The following KCNIP4 variants were observed in gnomAD, a reference collection of about 807,000 sequenced individuals.
The protein encoded by KCNIP4 is potassium voltage-gated channel interacting protein 4, also known as Kv channel-interacting protein 4.
Under a neutral mutation model 34.0 loss-of-function variants are expected in KCNIP4, and 12 were observed. That is an observed-to-expected ratio of 0.35 (90% confidence interval 0.23 to 0.57). KCNIP4 has a LOEUF of 0.57. Among genes scored for constraint, KCNIP4 ranks in the 20% least tolerant of loss-of-function variants. The probability of loss-of-function intolerance (pLI) is 0.83; values close to 1 mark genes in which losing one functional copy is unlikely to be tolerated. For synonymous variants in KCNIP4, 124 were observed against 102.2 expected (o/e 1.21, Z -1.29); for missense variants, 238 against 311.7 (o/e 0.76, Z 1.78).
At chr4:21,323,475 T>G (rs1177644223) in intron 1 of KCNIP4, among the ~76,000 whole-genome samples, 1 of 152,046 alleles carries the variant, frequency 6.6e-6, no homozygotes, top group Non-Finnish European at 1.5e-5. Flanking sequence ...GTTAAATTGT[T>G]TTAATTTTTA....
At chr4:21,245,923 T>G (rs1168139251) in intron 1 of KCNIP4, among the ~76,000 whole-genome samples, 1 of 152,238 alleles carries the variant, frequency 6.6e-6, no homozygotes, top group Non-Finnish European at 1.5e-5. Context: ...AAGGATAGTC[T>G]TTAGAGATTT....
chr4:20,833,968 T>C (rs1176716848), intron 3 of KCNIP4, among the ~76,000 whole-genome samples: 3 of 151,866 alleles, frequency 2.0e-5, no homozygotes, highest in Non-Finnish European at 4.4e-5. Context: ...AAACTGGGAG[T>C]GTGGTGAAGT....
At chr4:21,492,626 G>A (rs564072276) in intron 1 of KCNIP4, among the ~76,000 whole-genome samples, 6 of 152,222 alleles carry the variant, frequency 3.9e-5, no homozygotes, top group South Asian at 2.1e-4. Context: ...TGATTGAATG[G>A]TCTTAACTTC....
At chr4:20,922,547 G>GTCTATCTATCTATCTATCTA (rs1553916287) in intron 1 of KCNIP4, among the ~76,000 whole-genome samples, 32 of 129,520 alleles carry the variant, frequency 2.5e-4, no homozygotes, top group African/African-American at 6.9e-4. Context: ...CTGTCTGTCT[G>GTCTATCTATCTATCTATCTA]TCTATCTATC....
chr4:21,186,670 G>T (rs541493135), intron 1 of KCNIP4, among the ~76,000 whole-genome samples: 1 of 152,148 alleles, frequency 6.6e-6, no homozygotes, highest in South Asian at 2.1e-4. Flanking sequence ...TTTGAGACAG[G>T]ATCTCACTCT....
At chr4:21,861,265 A>G (rs1162479551) in intron 1 of KCNIP4, among the ~76,000 whole-genome samples, 1 of 152,230 alleles carries the variant, frequency 6.6e-6, no homozygotes, top group East Asian at 1.9e-4. Flanking sequence ...TTCAAGGGAT[A>G]TGAATTTTTT....
chr4:21,235,079 C>A (rs776023073), intron 1 of KCNIP4, among the ~76,000 whole-genome samples: 1 of 152,050 alleles, frequency 6.6e-6, no homozygotes, highest in Non-Finnish European at 1.5e-5. Context: ...TAAAAGTAGT[C>A]AATATAATGA....
intron 1 of KCNIP4, among the ~76,000 whole-genome samples, chr4:21,031,373 G>A (rs570229874): frequency 6.6e-6 from 1 of 152,270 alleles, no homozygotes; most frequent in East Asian, 1.9e-4. Context: ...TTAATGTTTA[G>A]AGAGATGTTA....
At chr4:21,011,026 G>T (rs1020704840) in intron 1 of KCNIP4, among the ~76,000 whole-genome samples, 1 of 152,104 alleles carries the variant, frequency 6.6e-6, no homozygotes, top group Non-Finnish European at 1.5e-5. Flanking sequence ...AATGCCTCCC[G>T]ATGAAATCAG....
chr4:21,372,425 G>C (rs943793243), intron 1 of KCNIP4, among the ~76,000 whole-genome samples: 1 of 145,850 alleles, frequency 6.9e-6, no homozygotes, highest in Non-Finnish European at 1.5e-5. Flanking sequence ...TACAGATATA[G>C]ATATAGATGT....
chr4:21,664,795 T>C (rs1748713608), intron 1 of KCNIP4, among the ~76,000 whole-genome samples: 1 of 152,232 alleles, frequency 6.6e-6, no homozygotes, highest in South Asian at 2.1e-4. Context: ...GGACTATTTT[T>C]TAAATGCCTA....
chr4:21,553,148 G>C (rs543235341), intron 1 of KCNIP4, among the ~76,000 whole-genome samples: 2 of 107,120 alleles, frequency 1.9e-5, no homozygotes, highest in African/African-American at 6.6e-5. Flanking sequence ...TAAAGGGGGG[G>C]GTCATAAAAG....
At chr4:21,239,668 A>G (rs986481689) in intron 1 of KCNIP4, among the ~76,000 whole-genome samples, 15 of 152,348 alleles carry the variant, frequency 9.8e-5, no homozygotes, top group South Asian at 8.3e-4. Context: ...ATCAAACCAC[A>G]ATGAGATACC....
intron 1 of KCNIP4, among the ~76,000 whole-genome samples, chr4:21,885,184 A>G (rs997715927): frequency 4.6e-5 from 7 of 152,150 alleles, no homozygotes; most frequent in African/African-American, 1.7e-4. Context: ...AAGAGGAAGA[A>G]AAGGAAACAG....
At chr4:21,187,747 T>C (rs1755348000) in intron 1 of KCNIP4, among the ~76,000 whole-genome samples, 1 of 152,104 alleles carries the variant, frequency 6.6e-6, no homozygotes, top group African/African-American at 2.4e-5. Flanking sequence ...CTGCAGATCA[T>C]GCACTCTCTA....
intron 1 of KCNIP4, among the ~76,000 whole-genome samples, chr4:21,061,269 T>A (rs779192613): frequency 7.2e-5 from 11 of 152,252 alleles, no homozygotes; most frequent in Admixed American, 2.0e-4. Context: ...TAGGGTTTTG[T>A]CAAGAATTAT....
intron 1 of KCNIP4, among the ~76,000 whole-genome samples, chr4:20,904,087 T>C (rs1206976896): frequency 6.6e-6 from 1 of 152,106 alleles, no homozygotes. Context: ...CATCATTCTT[T>C]AGCCTTAAGA....
intron 1 of KCNIP4, among the ~76,000 whole-genome samples, chr4:20,904,714 A>G (rs116836149): frequency 0.032 from 4,808 of 152,254 alleles, 91 homozygotes; most frequent in Non-Finnish European, 0.043. Flanking sequence ...TGTTCAACTA[A>G]TAATATAATC....
rs149563368 is a variant in KCNIP4 at position 20,744,761 on chromosome 4, GAAT to G, written c.429+4898_429+4900del. On this transcript the variant is annotated intron_variant, in intron 5 of 8. Transcript: ENST00000382152. ...TTGCACATGTACCCTAGAACTTAAA[GAAT>G]AATAATAATAAAAATATAAAATAAA... 5.4e-3 allele frequency among the ~76,000 whole-genome samples: 811 copies of G among 150,254 alleles called. 21 individuals are homozygous for G. In the East Asian group the frequency reaches 0.096, roughly 18 times the overall value.
Sources: gnomAD v4.1 joint callset for allele counts (sites outside exome capture counted in the v4.1 genomes callset) on GRCh38, gnomAD v4.1.1 for gene constraint, MANE v1.5 for transcripts, NCBI Gene and HGNC (gene_info 2026-07-23, HGNC 2026-07-21) for gene names.